The following PHGDH variants were observed in gnomAD, a reference collection of about 807,000 sequenced individuals.
The protein encoded by PHGDH is D-3-phosphoglycerate dehydrogenase.
PHGDH carries 50 observed loss-of-function variants against 52.6 expected under a neutral mutation model. The ratio of observed to expected loss-of-function variants is 0.95; its 90% CI spans 0.76 to 1.20. PHGDH has a LOEUF of 1.20. Ranked by LOEUF, PHGDH falls within the 50% of genes most tolerant of loss-of-function variation. PHGDH has a pLI of 0.00. For synonymous variants in PHGDH, 271 were observed against 280.5 expected, an observed-to-expected ratio of 0.97 and a Z score of 0.34; for missense variants, 630 against 684.6, an observed-to-expected ratio of 0.92 and a Z score of 0.89.
chr1:119,723,280 G>T, intron 2 of PHGDH, 96 bp from the exon 3 acceptor site: 1 of 950,136 alleles, frequency 1.1e-6, no homozygotes, highest in Non-Finnish European at 1.7e-6. Context: ...GAGCAGGAGT[G>T]AGAGAACACA....
At position 119,727,706 on chromosome 1, in the gene PHGDH, C is replaced by T. The variant is rs587695649; in HGVS notation, c.510+604C>T. 1.3e-3 allele frequency: 202 copies of T among 152,338 alleles called. 2 individuals are homozygous for T. Among genetic ancestry groups the T allele is most frequent in the Middle Eastern group, 3.6e-3 (1 of 280 alleles). The allele number at this position is 152,338 out of a possible 1,614,324, so 9.4% of individuals were successfully genotyped here. On this transcript the variant is annotated intron_variant, in intron 5 of 11. Coordinates refer to ENST00000641023, the MANE Select transcript of PHGDH (RefSeq NM_006623.4). ...AAAATTAGCCGGGCGTGGTGGCGGG[C>T]GCCTGTAGTCCCAGCTACTTGGGAG... is the stretch of plus-strand genomic sequence containing the variant.
intron 3 of PHGDH, 68 bp downstream of exon 3, chr1:119,723,509 A>G: frequency 8.2e-7 from 1 of 1,214,916 alleles, no homozygotes; most frequent in Non-Finnish European, 1.2e-6. Context: ...TGCCAAGCAA[A>G]TGGACCCAGA....
chr1:119,741,014 G>T (rs190095942), intron 9 of PHGDH, among the ~76,000 whole-genome samples: 80 of 152,256 alleles, frequency 5.3e-4, no homozygotes, highest in African/African-American at 1.8e-3. Flanking sequence ...TGGTACCTTG[G>T]GCCGTCTGAC....
At chr1:119,723,553 A>C in intron 3 of PHGDH, 112 bp downstream of exon 3, 5 of 838,182 alleles carry the variant, frequency 6.0e-6, no homozygotes, top group Non-Finnish European at 8.2e-6. Context: ...AGCGACTTGC[A>C]GACTGCTAAG....
At position 119,721,308 on chromosome 1, in the gene PHGDH, A is replaced by G. The variant is rs866410942; in HGVS notation, c.277A>G (p.Ile93Val). The change falls in exon 2 of 12, where the codon ATC becomes GTC. Residue 93 changes from isoleucine to valine, a missense_variant. Ile to Val is a conservative substitution (Grantham distance 29, BLOSUM62 3). Transcript: ENST00000641023. ...TCTGGAGGCCGCAACAAGGAAGGGC[A>G]TCTTGGTTATGAAGTAAGTCATGGA... Reference protein sequence around the residue: ...VDLEAATRKGILVMNTPNGNS... With the variant: ...VDLEAATRKGVLVMNTPNGNS... 3.7e-6 allele frequency: 6 copies of G among 1,614,012 alleles called. No homozygotes were observed. In the Middle Eastern group the frequency reaches 1.0e-3, roughly 268 times the overall value.
At chr1:119,713,017 T>C (rs1410448942) in intron 1 of PHGDH, 1 of 152,258 alleles carries the variant, frequency 6.6e-6, no homozygotes, top group East Asian at 1.9e-4. Context: ...TTGTGATATA[T>C]AATTAATCTA....
intron 1 of PHGDH, among the ~76,000 whole-genome samples, chr1:119,717,417 G>A (rs1261464319): frequency 3.9e-5 from 6 of 151,926 alleles, no homozygotes; most frequent in Non-Finnish European, 8.8e-5. Flanking sequence ...AACTGGATTT[G>A]TCAATATTTT....
chr1:119,737,912 T>C (rs1652016325), intron 8 of PHGDH, among the ~76,000 whole-genome samples: 2 of 152,230 alleles, frequency 1.3e-5, no homozygotes, highest in Non-Finnish European at 2.9e-5. Context: ...CCAGACATTG[T>C]CATAGCTCTT....
intron 1 of PHGDH, chr1:119,715,737 AG>A (rs879435603): frequency 3.3e-5 from 5 of 152,274 alleles, no homozygotes; most frequent in Admixed American, 3.3e-4. Flanking sequence ...GAGGACTTGT[AG>A]GAAGTGTGGG....
intron 7 of PHGDH, among the ~76,000 whole-genome samples, chr1:119,736,535 G>A (rs1399487873): frequency 3.3e-5 from 5 of 152,198 alleles, no homozygotes; most frequent in Admixed American, 6.5e-5. Flanking sequence ...CAGAAGGGTG[G>A]AAAAGACACT....
chr1:119,739,815 G>A (rs1652107162), intron 8 of PHGDH: 1 of 154,612 alleles, frequency 6.5e-6, no homozygotes, highest in African/African-American at 2.4e-5. Flanking sequence ...ACTTTTGGGG[G>A]ATATGGGGCT....
intron 1 of PHGDH, chr1:119,715,706 C>G (rs1650898959): frequency 6.6e-6 from 1 of 152,170 alleles, no homozygotes; most frequent in Non-Finnish European, 1.5e-5. Context: ...AGCTGAACAG[C>G]AGCTAAGGAC....
intron 7 of PHGDH, 83 bp downstream of exon 7, chr1:119,735,526 T>C (rs1294810066): frequency 2.9e-6 from 4 of 1,364,500 alleles, no homozygotes; most frequent in Non-Finnish European, 4.1e-6. Flanking sequence ...CCTGGCGTTT[T>C]ACAGAAAGCC....
chr1:119,743,843 T>G, intron 11 of PHGDH, 43 bp from the exon 12 acceptor site: 2 of 1,537,970 alleles, frequency 1.3e-6, no homozygotes, highest in Non-Finnish European at 1.8e-6. Context: ...CGCTCCTTTT[T>G]CCCCTATCCC....
At chr1:119,729,230 C>T (rs1007738351) in intron 5 of PHGDH, among the ~76,000 whole-genome samples, 1 of 152,174 alleles carries the variant, frequency 6.6e-6, no homozygotes, top group African/African-American at 2.4e-5. Flanking sequence ...ACAGCCTTGC[C>T]CTCTGTGCAG....
At chr1:119,734,922 C>T (rs763608766) in intron 6 of PHGDH, 156 bp downstream of exon 6, 37 of 828,926 alleles carry the variant, frequency 4.5e-5, no homozygotes, top group Admixed American at 9.8e-5. Flanking sequence ...GACACCCCTA[C>T]GTTGGATAGG....
At chr1:119,724,660 T>TTTTA in intron 3 of PHGDH, 2 of 95,250 alleles carry the variant, frequency 2.1e-5, no homozygotes, top group South Asian at 1.5e-4. Context: ...CCTTCAGGGA[T>TTTTA]TTTTTTTTTT....
At chr1:119,718,711 G>T (rs1463073561) in intron 1 of PHGDH, among the ~76,000 whole-genome samples, 1 of 152,190 alleles carries the variant, frequency 6.6e-6, no homozygotes, top group Non-Finnish European at 1.5e-5. Context: ...AAAGCAACTG[G>T]TGTAATGCCT....
At chr1:119,725,891 C>T (rs145726312) in intron 3 of PHGDH, among the ~76,000 whole-genome samples, 26 of 152,304 alleles carry the variant, frequency 1.7e-4, no homozygotes, top group African/African-American at 6.3e-4. Flanking sequence ...CTGGGGAGAA[C>T]TGTTTAACCT....
Sources: allele counts gnomAD v4.1 joint callset (sites outside exome capture counted in the v4.1 genomes callset), GRCh38; gene constraint gnomAD v4.1.1; transcripts MANE v1.5; gene names NCBI Gene and HGNC (gene_info 2026-07-23, HGNC 2026-07-21).